Variants in DPP6 observed in about 807,000 individuals in gnomAD.
DPP6 encodes A-type potassium channel modulatory protein DPP6.
In DPP6, 69 loss-of-function variants were observed where a neutral mutation model predicts 122.6. That is an observed-to-expected ratio of 0.56 (90% confidence interval 0.46 to 0.69). DPP6 has a LOEUF of 0.69. Ranked by LOEUF, DPP6 falls within the 30% of genes least tolerant of loss-of-function variation. DPP6 has a pLI of 0.00. For synonymous variants in DPP6, 418 were observed against 433.1 expected (o/e 0.97, Z 0.43); for missense variants, 928 against 1,116.9 (o/e 0.83, Z 2.41).
At chr7:154,046,372 C>T (rs1464280919) in intron 1 of DPP6, among the ~76,000 whole-genome samples, 1 of 152,194 alleles carries the variant, frequency 6.6e-6, no homozygotes, top group Non-Finnish European at 1.5e-5. Flanking sequence ...CAGTAGGTGT[C>T]AGGGGACAGG....
chr7:154,333,561 C>CA (rs1304505963), intron 1 of DPP6, among the ~76,000 whole-genome samples: 4 of 151,924 alleles, frequency 2.6e-5, no homozygotes, highest in Admixed American at 2.0e-4. Flanking sequence ...TATTGGCTGC[C>CA]AAAAAAATGA....
chr7:154,819,014 C>T (rs1799595724), intron 16 of DPP6, among the ~76,000 whole-genome samples: 1 of 152,242 alleles, frequency 6.6e-6, no homozygotes, highest in African/African-American at 2.4e-5. Context: ...TGCCACTCAA[C>T]ACCTTTCCCA....
chr7:154,873,739 GAC>G (rs1563308630), intron 19 of DPP6, among the ~76,000 whole-genome samples: 1 of 151,472 alleles, frequency 6.6e-6, no homozygotes, highest in African/African-American at 2.4e-5. Flanking sequence ...CCCACATGCA[GAC>G]ACACGCACCC....
At chr7:154,598,407 G>A (rs181323007) in intron 5 of DPP6, among the ~76,000 whole-genome samples, 2 of 152,304 alleles carry the variant, frequency 1.3e-5, no homozygotes, top group African/African-American at 4.8e-5. Flanking sequence ...GTTATTTGTT[G>A]CAGACAGCCT....
intron 1 of DPP6, among the ~76,000 whole-genome samples, chr7:153,939,939 AC>A (rs1408836985): frequency 1.1e-4 from 16 of 152,232 alleles, no homozygotes; most frequent in Non-Finnish European, 2.4e-4. Flanking sequence ...AAGTCGAGAA[AC>A]ATGCCCGATC....
the DPP6 span, among the ~76,000 whole-genome samples, chr7:153,843,280 GCACACACA>G: frequency 1.8e-5 from 2 of 113,356 alleles, no homozygotes; most frequent in African/African-American, 5.5e-5. Flanking sequence ...ATGCGCGCGC[GCACACACA>G]CACACACACA....
intron 6 of DPP6, among the ~76,000 whole-genome samples, chr7:154,656,693 G>A (rs144365826): frequency 6.7e-6 from 1 of 150,148 alleles, no homozygotes; most frequent in African/African-American, 2.5e-5. Context: ...TGATGGGTTA[G>A]AGGCTGCGTG....
chr7:154,626,984 C>A (rs1353874364), intron 5 of DPP6, among the ~76,000 whole-genome samples: 1 of 141,186 alleles, frequency 7.1e-6, no homozygotes, highest in Non-Finnish European at 1.5e-5. Context: ...TATCTGGGGT[C>A]CATTAGAAAT....
At chr7:153,966,154 T>G (rs39177) in intron 1 of DPP6, among the ~76,000 whole-genome samples, 1 of 89,706 alleles carries the variant, frequency 1.1e-5, no homozygotes, top group Admixed American at 1.4e-4. Flanking sequence ...CTCGTGGCGT[T>G]GAAAAGCTTC....
chr7:154,032,415 C>T (rs749117720), intron 1 of DPP6, among the ~76,000 whole-genome samples: 10 of 152,068 alleles, frequency 6.6e-5, no homozygotes, highest in Non-Finnish European at 1.3e-4. Context: ...CCTTGTATAC[C>T]GTTGGGAGCA....
the DPP6 span, among the ~76,000 whole-genome samples, chr7:153,868,188 C>T: frequency 1.3e-5 from 2 of 151,954 alleles, no homozygotes; most frequent in African/African-American, 2.4e-5. Flanking sequence ...GGAGGATTCC[C>T]TCTTTTTCTA....
At chr7:154,699,379 A>C (rs2131257634) in intron 7 of DPP6, among the ~76,000 whole-genome samples, 1 of 152,348 alleles carries the variant, frequency 6.6e-6, no homozygotes, top group East Asian at 1.9e-4. Flanking sequence ...CTCGGATCTA[A>C]CTGCAATATA....
chr7:154,215,335 C>T (rs1220047619), intron 1 of DPP6, among the ~76,000 whole-genome samples: 2 of 152,152 alleles, frequency 1.3e-5, no homozygotes, highest in African/African-American at 4.8e-5. Context: ...CACCAGGTCC[C>T]CTCCTCCACA....
chr7:154,095,532 T>C (rs1281162969), intron 1 of DPP6: 2 of 140,380 alleles, frequency 1.4e-5, no homozygotes, highest in Non-Finnish European at 3.1e-5. Flanking sequence ...GCAGCACCAG[T>C]CCTAATTGAG....
chr7:153,790,217 A>G, the DPP6 span, among the ~76,000 whole-genome samples: 1 of 152,076 alleles, frequency 6.6e-6, no homozygotes, highest in Non-Finnish European at 1.5e-5. Context: ...CTTGGAGACA[A>G]TATATAATCT....
At chr7:154,417,767 C>T (rs1302486203) in intron 1 of DPP6, among the ~76,000 whole-genome samples, 1 of 152,186 alleles carries the variant, frequency 6.6e-6, no homozygotes, top group Non-Finnish European at 1.5e-5. Context: ...TTTAGTCCTC[C>T]CCATCTTCAT....
chr7:153,887,859 C>A, intron 1 of DPP6: 1 of 1,090,966 alleles, frequency 9.2e-7, no homozygotes, highest in South Asian at 2.4e-5. Context: ...TGCCCGCGCG[C>A]GGCGGCGCTT....
chr7:154,529,218 C>T (rs77533739), intron 3 of DPP6, among the ~76,000 whole-genome samples: 4,181 of 152,216 alleles, frequency 0.027, 92 homozygotes, highest in South Asian at 0.083. Flanking sequence ...ATGGGCAAGT[C>T]AGGAAATAAT....
rs878872355 is a variant in DPP6 at position 154,061,114 on chromosome 7, C to T, written c.243+8051C>T. On this transcript the variant is annotated intron_variant, in intron 1 of 25. Transcript: ENST00000377770. ...AGAAAGCAGGTTATTTGCAATCTAC[C>T]GGAAATTAAGGGCAGAAGGCAGGTG... 6.6e-4 allele frequency among the ~76,000 whole-genome samples: 97 copies of T among 147,526 alleles called. 1 individual carries two copies. Among genetic ancestry groups the T allele is most frequent in the Admixed American group, 2.1e-3 (31 of 15,022 alleles).
Sources: gnomAD v4.1 joint callset for allele counts (sites outside exome capture counted in the v4.1 genomes callset) on GRCh38, gnomAD v4.1.1 for gene constraint, MANE v1.5 for transcripts, NCBI Gene and HGNC (gene_info 2026-07-23, HGNC 2026-07-21) for gene names.